Variants in RIMS2 observed in about 807,000 individuals in gnomAD.
RIMS2 encodes regulating synaptic membrane exocytosis protein 2.
In RIMS2, 59 loss-of-function variants were observed where a neutral mutation model predicts 174.4. The ratio of observed to expected loss-of-function variants is 0.34; its 90% CI spans 0.27 to 0.42. The LOEUF is 0.42. RIMS2 is among the 10% of genes least tolerant of loss of function. The pLI, the probability that RIMS2 is intolerant of heterozygous loss-of-function variation, is 1.00. For synonymous variants in RIMS2, 606 were observed against 572.5 expected (o/e 1.06, Z -0.84); for missense variants, 1,620 against 1,666.3 (o/e 0.97, Z 0.48).
chr8:103,578,161 C>T (rs2093374489), intron 1 of RIMS2, among the ~76,000 whole-genome samples: 1 of 152,112 alleles, frequency 6.6e-6, no homozygotes, highest in African/African-American at 2.4e-5. Context: ...AATAAGAGTA[C>T]CCCAAGGCAC....
chr8:104,134,088 A>G (rs2098497658), intron 19 of RIMS2, among the ~76,000 whole-genome samples: 1 of 152,180 alleles, frequency 6.6e-6, no homozygotes, highest in African/African-American at 2.4e-5. Context: ...AGGAGACCTC[A>G]AAAAGTTTGT....
intron 1 of RIMS2, among the ~76,000 whole-genome samples, chr8:103,677,417 A>G (rs1471131681): frequency 6.6e-6 from 1 of 152,150 alleles, no homozygotes; most frequent in Non-Finnish European, 1.5e-5. Context: ...ATTATCAGAT[A>G]GAGTGTGATC....
intron 19 of RIMS2, among the ~76,000 whole-genome samples, chr8:104,167,999 T>G (rs1351445700): frequency 1.3e-5 from 2 of 152,088 alleles, no homozygotes; most frequent in Non-Finnish European, 2.9e-5. Flanking sequence ...TATTCCTGGG[T>G]TCTCTATTCT....
chr8:103,535,109 A>G (rs1328961942), intron 1 of RIMS2, among the ~76,000 whole-genome samples: 3 of 152,184 alleles, frequency 2.0e-5, no homozygotes, highest in Non-Finnish European at 4.4e-5. Flanking sequence ...TTTAGAATGT[A>G]CTTATATATG....
intron 1 of RIMS2, among the ~76,000 whole-genome samples, chr8:103,547,217 T>C (rs1328411266): frequency 1.3e-5 from 2 of 152,110 alleles, no homozygotes; most frequent in Non-Finnish European, 2.9e-5. Flanking sequence ...AGAAGAACAA[T>C]AGGGACTTTT....
intron 13 of RIMS2, among the ~76,000 whole-genome samples, chr8:103,938,432 C>G (rs1325960368): frequency 6.6e-6 from 1 of 151,940 alleles, no homozygotes; most frequent in Admixed American, 6.6e-5. Context: ...ATGAGGAGAA[C>G]AGCATGAGAA....
intron 19 of RIMS2, among the ~76,000 whole-genome samples, chr8:104,134,252 G>A (rs1210158968): frequency 1.3e-5 from 2 of 152,118 alleles, no homozygotes; most frequent in South Asian, 2.1e-4. Context: ...ATCATTTGAG[G>A]TCAGGAGTTC....
chr8:104,033,136 T>G (rs1385864685), intron 19 of RIMS2, among the ~76,000 whole-genome samples: 1 of 151,956 alleles, frequency 6.6e-6, no homozygotes, highest in Non-Finnish European at 1.5e-5. Flanking sequence ...TGTAATAAAA[T>G]AAACTGGAAT....
At chr8:104,157,941 CT>C (rs2098734678) in intron 19 of RIMS2, among the ~76,000 whole-genome samples, 1 of 152,066 alleles carries the variant, frequency 6.6e-6, no homozygotes, top group Admixed American at 6.6e-5. Context: ...ACTTTAAGTT[CT>C]AGGGTACATG....
chr8:103,585,079 G>A (rs2093833143), intron 1 of RIMS2, among the ~76,000 whole-genome samples: 1 of 152,014 alleles, frequency 6.6e-6, no homozygotes, highest in South Asian at 2.1e-4. Context: ...GCAGGAGTCT[G>A]TTGATATGAA....
chr8:103,610,973 G>A (rs1037051004), intron 1 of RIMS2, among the ~76,000 whole-genome samples: 9 of 152,108 alleles, frequency 5.9e-5, no homozygotes, highest in African/African-American at 1.9e-4. Flanking sequence ...TGAGCTGGTA[G>A]GATTTTTATT....
intron 17 of RIMS2, among the ~76,000 whole-genome samples, chr8:104,007,646 T>A (rs1432844060): frequency 6.6e-6 from 1 of 152,212 alleles, no homozygotes; most frequent in Admixed American, 6.5e-5. Context: ...AGATTCAACA[T>A]CTATACCATC....
intron 3 of RIMS2, among the ~76,000 whole-genome samples, chr8:103,832,852 G>T (rs1412326575): frequency 2.0e-5 from 3 of 151,986 alleles, no homozygotes; most frequent in African/African-American, 4.8e-5. Context: ...TGTTTATATT[G>T]TGCAAATTTT....
chr8:104,198,757 C>G (rs534797839), intron 19 of RIMS2, among the ~76,000 whole-genome samples: 7 of 152,180 alleles, frequency 4.6e-5, no homozygotes, highest in Admixed American at 6.5e-5. Context: ...AGTATCCCAG[C>G]CTTTTAGGTC....
rs1366745481 is a variant in RIMS2, at chr8:103,698,220, A to G, written c.387+924A>G. The stretch of plus-strand genomic sequence containing the variant: ...CACTTATAATTGTTTCCCCTGGATT[A>G]CCTGATTATGATTTTTTTTCTTGAC... On this transcript the variant is annotated intron_variant, in intron 2 of 23. Transcript: ENST00000504942. Among the ~76,000 whole-genome samples, 3 of 152,118 alleles carry G rather than the reference A, an allele frequency of 2.0e-5. No homozygotes were observed. The East Asian group carries it at 5.8e-4, about 29-fold the overall frequency.
At chr8:104,023,305 A>G (rs1461804699) in intron 19 of RIMS2, among the ~76,000 whole-genome samples, 1 of 151,546 alleles carries the variant, frequency 6.6e-6, no homozygotes, top group Non-Finnish European at 1.5e-5. Context: ...TTTTTTTAGT[A>G]AGATGATGTC....
At chr8:104,066,310 C>T (rs2097104237) in intron 19 of RIMS2, among the ~76,000 whole-genome samples, 1 of 152,046 alleles carries the variant, frequency 6.6e-6, no homozygotes, top group Admixed American at 6.6e-5. Context: ...TAGGATGTTG[C>T]CATCCAGAAA....
intron 19 of RIMS2, among the ~76,000 whole-genome samples, chr8:104,083,179 C>G (rs2097458266): frequency 6.6e-6 from 1 of 152,194 alleles, no homozygotes; most frequent in African/African-American, 2.4e-5. Flanking sequence ...GAGCAATTCT[C>G]AGGCCCCTTC....
intron 1 of RIMS2, among the ~76,000 whole-genome samples, chr8:103,668,596 G>A (rs1353681046): frequency 6.6e-6 from 1 of 152,142 alleles, no homozygotes; most frequent in Non-Finnish European, 1.5e-5. Flanking sequence ...GTGCATGCAT[G>A]TGTGTATTCT....
Sources: gnomAD v4.1 joint callset for allele counts (sites outside exome capture counted in the v4.1 genomes callset) on GRCh38, gnomAD v4.1.1 for gene constraint, MANE v1.5 for transcripts, NCBI Gene and HGNC (gene_info 2026-07-23, HGNC 2026-07-21) for gene names.